The following ITGAV variants were observed in gnomAD, a reference collection of about 807,000 sequenced individuals.
ITGAV encodes integrin subunit alpha V, also known as integrin alpha-V.
ITGAV carries 76 observed loss-of-function variants against 143.8 expected under a neutral mutation model. That is an observed-to-expected ratio of 0.53 (90% CI 0.44 to 0.64). The LOEUF (loss-of-function observed/expected upper bound fraction) is 0.64. Ranked by LOEUF, ITGAV falls within the 30% of genes least tolerant of loss-of-function variation. The pLI, the probability that ITGAV is intolerant of heterozygous loss-of-function variation, is 0.00. For synonymous variants in ITGAV, 453 were observed against 446.7 expected (o/e 1.01, Z -0.18); for missense variants, 1,193 against 1,274.7 (o/e 0.94, Z 0.98).
chr2:186,621,495 C>T (rs1687518645), intron 2 of ITGAV, among the ~76,000 whole-genome samples: 1 of 152,146 alleles, frequency 6.6e-6, no homozygotes, highest in Admixed American at 6.5e-5. Context: ...ATTCAAATTT[C>T]CACATTTATC....
intron 15 of ITGAV, among the ~76,000 whole-genome samples, chr2:186,654,045 T>G (rs990224624): frequency 1.3e-5 from 2 of 152,118 alleles, no homozygotes; most frequent in Admixed American, 6.6e-5. Flanking sequence ...TTTTAAAATC[T>G]GAACCGTTGG....
At chr2:186,647,805 T>G (rs1478770923) in intron 13 of ITGAV, among the ~76,000 whole-genome samples, 1 of 152,168 alleles carries the variant, frequency 6.6e-6, no homozygotes, top group African/African-American at 2.4e-5. Flanking sequence ...TGTAGAAAAT[T>G]TAGATGACCT....
At chr2:186,646,663 C>T in intron 12 of ITGAV, 23 bp from the exon 13 acceptor site, 1 of 1,545,608 alleles carries the variant, frequency 6.5e-7, no homozygotes. Flanking sequence ...TTCTCCTTCC[C>T]CCTCCTCTTT....
chr2:186,670,215 T>G (rs989007878), intron 26 of ITGAV, among the ~76,000 whole-genome samples: 1 of 152,206 alleles, frequency 6.6e-6, no homozygotes, highest in South Asian at 2.1e-4. Flanking sequence ...CTATAATGTT[T>G]TTAAAGGCAA....
chr2:186,674,041 ATAGCT>A (rs1378430534), intron 26 of ITGAV, among the ~76,000 whole-genome samples: 10 of 152,110 alleles, frequency 6.6e-5, no homozygotes, highest in Admixed American at 2.6e-4. Flanking sequence ...TAGCATAGTT[ATAGCT>A]TACTGCAACC....
intron 2 of ITGAV, among the ~76,000 whole-genome samples, chr2:186,615,780 G>A (rs536948739): frequency 1.3e-5 from 2 of 151,426 alleles, no homozygotes; most frequent in African/African-American, 4.8e-5. Context: ...CTTTTTAAAT[G>A]GTGTTTTTGT....
chr2:186,632,470 T>C (rs1687838480), intron 5 of ITGAV, among the ~76,000 whole-genome samples: 1 of 152,148 alleles, frequency 6.6e-6, no homozygotes, highest in South Asian at 2.1e-4. Flanking sequence ...TTGGAAGGGC[T>C]ATATGTACAT....
At position 186,677,204 on chromosome 2, in the gene ITGAV, T is replaced by G. The variant is rs1689238254; in HGVS notation, c.3059T>G (p.Phe1020Cys). ...VLVFVMYRMG[F>C]FKRVRPPQEE... ...TTTTTCTTCAACTGACAGATGGGCTTTTTTAAACGGGTCCGGCCACCTCAA... is the reference window on the plus strand; with the variant it reads ...TTTTTCTTCAACTGACAGATGGGCTGTTTTAAACGGGTCCGGCCACCTCAA... Residue 1020 changes from phenylalanine (F) to cysteine (C), a missense_variant, in exon 30 of 30, where the codon TTT becomes TGT. Phe to Cys is a radical substitution (Grantham distance 205). Transcript: ENST00000261023. The G allele has an allele frequency of 1.2e-6, 2 of 1,613,604 alleles. No individual in the cohort carries two copies. Among genetic ancestry groups the G allele is most frequent in the Admixed American group, 1.7e-5 (1 of 59,958 alleles).
At chr2:186,669,571 G>A in intron 25 of ITGAV, 130 bp from the exon 26 acceptor site, 1 of 654,988 alleles carries the variant, frequency 1.5e-6, no homozygotes. Context: ...TATACTGAGT[G>A]GTAAATATTC....
intron 4 of ITGAV, 39 bp from the exon 5 acceptor site, chr2:186,630,757 GT>G: frequency 3.7e-6 from 4 of 1,087,752 alleles, no homozygotes; most frequent in Non-Finnish European, 5.6e-6. Context: ...TGTGTTGTTT[GT>G]TTTTGGGTTT....
rs1056681222 is a variant in ITGAV, at chr2:186,675,907, G to C, written c.2908G>C (p.Asp970His). Residue 970 changes from aspartate to histidine, a missense_variant, in exon 28 of 30, where the codon GAT becomes CAT. Transcript: ENST00000261023. ...EFPYKNLPIE[D>H]ITNSTLVTTN... ...TCCTTATAAGAATCTTCCAATTGAG[G>C]ATATCACCAACTCCACATTGGTAAG... 1 of 1,587,612 alleles carries C rather than the reference G, an allele frequency of 6.3e-7. No individual in the cohort carries two copies. Among genetic ancestry groups the C allele is most frequent in the Non-Finnish European group, 8.6e-7 (1 of 1,156,534 alleles).
At chr2:186,628,252 C>G (rs550476280) in intron 4 of ITGAV, among the ~76,000 whole-genome samples, 1 of 152,236 alleles carries the variant, frequency 6.6e-6, no homozygotes, top group East Asian at 1.9e-4. Flanking sequence ...ACACTGCTAA[C>G]TTTTTAATAA....
intron 1 of ITGAV, among the ~76,000 whole-genome samples, chr2:186,591,759 G>A (rs969623871): frequency 1.3e-5 from 2 of 151,962 alleles, no homozygotes; most frequent in Admixed American, 6.5e-5. Context: ...TAGATTAGAT[G>A]CAGTTAATGG....
chr2:186,665,691 A>G (rs568567200), intron 21 of ITGAV, among the ~76,000 whole-genome samples: 1 of 152,326 alleles, frequency 6.6e-6, no homozygotes, highest in South Asian at 2.1e-4. Flanking sequence ...GAAGCAGCCA[A>G]TGGCTTGCTT....
intron 25 of ITGAV, 29 bp from the exon 26 acceptor site, chr2:186,669,672 C>T (rs746298118): frequency 7.0e-7 from 1 of 1,434,942 alleles, no homozygotes; most frequent in Non-Finnish European, 9.7e-7. Context: ...TTATCATTTA[C>T]CACCATTTTA....
chr2:186,625,459 ACCTTTGATTTTAGGCCTGTGCC>A lies in ITGAV; in HGVS notation c.409-11_419del, dbSNP rs1687646582. 6.3e-7 allele frequency: 1 copy of A among 1,578,764 alleles called. No individual in the cohort carries two copies. ...AGAAAATCTTCGTGTCGTGGACTAAACCTTTGATTTTAGGCCTGTGCCCCATTGTACCATTGGAGAACTGAGA... is the reference window on the plus strand; with the variant it reads ...AGAAAATCTTCGTGTCGTGGACTAAACCATTGTACCATTGGAGAACTGAGA... On this transcript the variant is annotated splice_acceptor_variant and splice_polypyrimidine_tract_variant and coding_sequence_variant and intron_variant, in exon 4 of 30. Transcript: ENST00000261023. LOFTEE classifies it high-confidence loss of function.
At position 186,654,720 on chromosome 2, in the gene ITGAV, A is replaced by T. The variant is rs771317645; in HGVS notation, c.1564+12A>T. Reference sequence around the variant, plus strand: ...TCCCAGGAAACTTAGTAAGTGTTCTATGAAAAATCATATTATTTTAATGAT... The same window carrying T: ...TCCCAGGAAACTTAGTAAGTGTTCTTTGAAAAATCATATTATTTTAATGAT... On this transcript the variant is annotated intron_variant, in intron 16 of 29. Coordinates refer to ENST00000261023, the MANE Select transcript of ITGAV (RefSeq NM_002210.5). 6.9e-6 allele frequency: 9 copies of T among 1,311,488 alleles called. No individual in the cohort carries two copies. Among genetic ancestry groups the T allele is most frequent in the Non-Finnish European group, 9.9e-6 (9 of 912,822 alleles). 81.2% of individuals were successfully genotyped at this position (1,311,488 alleles called of 1,614,324 possible).
intron 28 of ITGAV, 128 bp downstream of exon 28, chr2:186,676,055 A>G: frequency 4.8e-6 from 3 of 628,472 alleles, no homozygotes; most frequent in South Asian, 4.2e-5. Flanking sequence ...GTTATATGAT[A>G]GCATTATAAC....
intron 15 of ITGAV, among the ~76,000 whole-genome samples, chr2:186,652,931 ATTTTTTTTTTTT>A (rs35139936): frequency 3.6e-5 from 3 of 82,450 alleles, no homozygotes; most frequent in African/African-American, 4.9e-5. Flanking sequence ...TTCATTATAG[ATTTTTTTTTTTT>A]TTTTTTTTTT....
Sources: allele counts gnomAD v4.1 joint callset (sites outside exome capture counted in the v4.1 genomes callset), GRCh38; gene constraint gnomAD v4.1.1; transcripts MANE v1.5; gene names NCBI Gene and HGNC (gene_info 2026-07-23, HGNC 2026-07-21).